Variants in RAD23B observed in about 807,000 individuals in gnomAD.
RAD23B encodes the protein RAD23 nucleotide excision repair protein B.
A neutral mutation model predicts 49.1 loss-of-function variants in RAD23B; 5 were observed. The ratio of observed to expected loss-of-function variants is 0.10; its 90% CI spans 0.05 to 0.21. The LOEUF (loss-of-function observed/expected upper bound fraction) is 0.21. Ranked by LOEUF, RAD23B falls within the 10% of genes least tolerant of loss-of-function variation. The probability of loss-of-function intolerance (pLI) is 1.00; values close to 1 mark genes in which losing one functional copy is unlikely to be tolerated. For synonymous variants in RAD23B, 184 were observed against 165.4 expected (o/e 1.11, Z -0.86); for missense variants, 356 against 486.7 (o/e 0.73, Z 2.53).
chr9:107,317,068 A>C (rs528513828), intron 5 of RAD23B, among the ~76,000 whole-genome samples: 147 of 149,328 alleles, frequency 9.8e-4, no homozygotes, highest in African/African-American at 3.5e-3. Context: ...GCCAGAAATA[A>C]AATGAGGGGT....
intron 1 of RAD23B, among the ~76,000 whole-genome samples, chr9:107,289,050 C>T (rs1308549939): frequency 1.7e-5 from 2 of 120,492 alleles, no homozygotes; most frequent in Admixed American, 8.5e-5. Flanking sequence ...CTCCCTTCCT[C>T]CCTCCCTTCT....
chr9:107,284,013 G>T (rs1401932927), intron 1 of RAD23B: 2 of 1,076,576 alleles, frequency 1.9e-6, no homozygotes, highest in Non-Finnish European at 2.2e-6. Flanking sequence ...GGTCCAGGCC[G>T]TCTCAGCCGT....
At chr9:107,297,088 G>C (rs1187568486) in intron 1 of RAD23B, among the ~76,000 whole-genome samples, 2 of 151,796 alleles carry the variant, frequency 1.3e-5, no homozygotes, top group East Asian at 3.9e-4. Context: ...TCTTAACCTT[G>C]TGATCTGCCC....
Position 107,283,345 on chromosome 9 carries a change from C to G in RAD23B, c.-285C>G. ...GGATTCCCTGCTTGTCTCGCCGACC[C>G]CCTCGCGCCTTCTGCAGACTCCGTG... On this transcript the variant is annotated 5_prime_UTR_variant, in exon 1 of 10. Transcript: ENST00000358015. 2.4e-6 allele frequency: 1 copy of G among 419,742 alleles called. No homozygotes were observed. Among genetic ancestry groups the G allele is most frequent in the South Asian group, 8.7e-5 (1 of 11,498 alleles). The allele number at this position is 419,742 out of a possible 1,614,324, so 26.0% of individuals were successfully genotyped here.
At chr9:107,301,685 G>A (rs1457994836) in intron 2 of RAD23B, among the ~76,000 whole-genome samples, 1 of 151,934 alleles carries the variant, frequency 6.6e-6, no homozygotes, top group Non-Finnish European at 1.5e-5. Context: ...CCATAGGCAT[G>A]TGCCACAATG....
intron 1 of RAD23B, among the ~76,000 whole-genome samples, chr9:107,299,879 T>C (rs1826611810): frequency 6.6e-6 from 1 of 152,188 alleles, no homozygotes; most frequent in Admixed American, 6.5e-5. Flanking sequence ...TGTTGAAAAC[T>C]TTATTTTAAA....
chr9:107,316,821 T>TAA lies in RAD23B; in HGVS notation c.554-1919_554-1918dup, dbSNP rs1255194090. Reference sequence around the variant, plus strand: ...GGGCAAGAAAAAAATAATGAAACATTAAAAAAAAAAAAAGATAAGTGATAT... The same window carrying TAA: ...GGGCAAGAAAAAAATAATGAAACATTAAAAAAAAAAAAAAAGATAAGTGATAT... On this transcript the variant is annotated intron_variant, in intron 5 of 9. Transcript: ENST00000358015. 1.6e-3 allele frequency among the ~76,000 whole-genome samples: 226 copies of TAA among 138,260 alleles called. 1 individual carries two copies. The highest frequency in any genetic ancestry group is 5.5e-3 in the African/African-American group (210 of 38,018). The allele number at this position is 138,260 out of a possible 152,430, so 90.7% of individuals were successfully genotyped here. A position where few individuals can be genotyped will look rare whatever the true frequency, so the allele number is the denominator to read the frequency against.
intron 9 of RAD23B, chr9:107,325,232 T>C (rs1286479972): frequency 3.1e-6 from 1 of 322,386 alleles, no homozygotes; most frequent in East Asian, 9.1e-5. Context: ...GAGAATTGCT[T>C]GGACCTGGGA....
intron 1 of RAD23B, among the ~76,000 whole-genome samples, chr9:107,286,180 G>A (rs1423549588): frequency 6.6e-6 from 1 of 152,200 alleles, no homozygotes; most frequent in Non-Finnish European, 1.5e-5. Context: ...ACTCTTGTGA[G>A]CTTGAGATGA....
chr9:107,325,452 T>C (rs1015119294), intron 9 of RAD23B, among the ~76,000 whole-genome samples: 3 of 152,190 alleles, frequency 2.0e-5, no homozygotes, highest in African/African-American at 7.2e-5. Flanking sequence ...GTAGAAGTTG[T>C]GTAATACTTT....
At chr9:107,314,075 C>G (rs568195023) in intron 5 of RAD23B, among the ~76,000 whole-genome samples, 1 of 152,154 alleles carries the variant, frequency 6.6e-6, no homozygotes, top group Non-Finnish European at 1.5e-5. Flanking sequence ...TGTACTCTTG[C>G]ATTATCCTTA....
Position 107,318,818 on chromosome 9 carries a change from T to C in RAD23B, c.620T>C (p.Val207Ala), listed in dbSNP as rs1406504932. The C allele has an allele frequency of 1.2e-6, 2 of 1,613,606 alleles. No homozygotes were observed. Among genetic ancestry groups the C allele is most frequent in the East Asian group, 2.2e-5 (1 of 44,852 alleles). ...TCAATGGGCTATGAACGAGAGCAAG[T>C]AATTGCAGCCCTGAGAGCCAGTTTC... Reference protein sequence around the residue: ...IMSMGYEREQVIAALRASFNN... With the variant: ...IMSMGYEREQAIAALRASFNN... The change falls in exon 6 of 10, where the codon GTA becomes GCA. Residue 207 changes from valine to alanine, a missense_variant. Physicochemically the swap from Val to Ala is moderately conservative, Grantham distance 64 (BLOSUM62 0). This residue lies in a region of RAD23B where 148 missense variants were observed against 231.7 expected (regional missense o/e 0.64). Transcript: ENST00000358015. This position sits in a 1 kb window ranked among gnomAD's most constrained non-coding sequence, Gnocchi z 4.3.
intron 4 of RAD23B, among the ~76,000 whole-genome samples, chr9:107,311,384 T>C (rs1382255963): frequency 6.6e-6 from 1 of 152,194 alleles, no homozygotes; most frequent in Non-Finnish European, 1.5e-5. Context: ...TAATTGTGCA[T>C]TATCTTTTTT....
At chr9:107,300,957 A>G (rs1022354940) in intron 2 of RAD23B, among the ~76,000 whole-genome samples, 2 of 152,198 alleles carry the variant, frequency 1.3e-5, no homozygotes, top group African/African-American at 4.8e-5. Flanking sequence ...AGAATTCAGA[A>G]GCCTAAAGAA....
At position 107,283,620 on chromosome 9, in the gene RAD23B, C is replaced by T; in HGVS notation, c.-10C>T. 1.4e-6 allele frequency: 2 copies of T among 1,475,574 alleles called. No individual in the cohort carries two copies. Among genetic ancestry groups the T allele is most frequent in the South Asian group, 1.3e-5 (1 of 77,694 alleles). The allele number at this position is 1,475,574 out of a possible 1,614,324, so 91.4% of individuals were successfully genotyped here. A position where few individuals can be genotyped will look rare whatever the true frequency, so the allele number is the denominator to read the frequency against. On this transcript the variant is annotated 5_prime_UTR_variant, in exon 1 of 10. Coordinates refer to ENST00000358015, the MANE Select transcript of RAD23B (RefSeq NM_002874.5). ...GCGCAGGCCCGGCAGCCGAGCTGCG[C>T]GGCGGCACCATGCAGGTCACCCTGA...
At chr9:107,326,636 T>TC (rs1268343949) in intron 9 of RAD23B, among the ~76,000 whole-genome samples, 2 of 93,932 alleles carry the variant, frequency 2.1e-5, no homozygotes, top group South Asian at 3.9e-4. Context: ...TCTTTTTTTT[T>TC]TTTTTTTTTT....
chr9:107,319,333 T>C (rs971168330), intron 6 of RAD23B, among the ~76,000 whole-genome samples: 1 of 151,964 alleles, frequency 6.6e-6, no homozygotes, highest in African/African-American at 2.4e-5. Flanking sequence ...GATTTCACCA[T>C]GTTAGCCAGG....
At chr9:107,298,622 C>T (rs545432939) in intron 1 of RAD23B, among the ~76,000 whole-genome samples, 6 of 150,938 alleles carry the variant, frequency 4.0e-5, no homozygotes, top group Non-Finnish European at 8.8e-5. Flanking sequence ...TCAGCCACTG[C>T]GCCTGACCCA....
intron 1 of RAD23B, among the ~76,000 whole-genome samples, chr9:107,289,221 G>A (rs760877977): frequency 5.2e-4 from 77 of 148,428 alleles, no homozygotes; most frequent in Non-Finnish European, 1.0e-3. Context: ...GTCTTGCTCT[G>A]TCACCCAGGA....
Sources: gnomAD v4.1 joint callset for allele counts (sites outside exome capture counted in the v4.1 genomes callset) on GRCh38, gnomAD v4.1.1 for gene constraint, gnomAD v4.1.1 regional missense constraint, Gnocchi (gnomAD v3.1) non-coding constraint, MANE v1.5 for transcripts, NCBI Gene and HGNC (gene_info 2026-07-23, HGNC 2026-07-21) for gene names.